Variants in MIA2 observed in about 807,000 individuals in gnomAD.
MIA2 encodes melanoma inhibitory activity protein 2.
In MIA2, 127 loss-of-function variants were observed where a neutral mutation model predicts 167.8. The ratio of observed to expected loss-of-function variants is 0.76; its 90% CI spans 0.66 to 0.88. The LOEUF is 0.88. Ranked by LOEUF, MIA2 falls within the 40% of genes least tolerant of loss-of-function variation. MIA2 has a pLI of 0.00. For synonymous variants in MIA2, 552 were observed against 541.9 expected, an observed-to-expected ratio of 1.02 and a Z score of -0.26; for missense variants, 1,690 against 1,624.7, an observed-to-expected ratio of 1.04 and a Z score of -0.69.
At chr14:39,261,053 A>G (rs1464710756) in intron 6 of MIA2, among the ~76,000 whole-genome samples, 1 of 151,666 alleles carries the variant, frequency 6.6e-6, no homozygotes, top group Non-Finnish European at 1.5e-5. Context: ...GGTTTGTTGC[A>G]TATGTATACA....
intron 13 of MIA2, among the ~76,000 whole-genome samples, chr14:39,298,443 A>ATATATATATATAT (rs1372100362): frequency 0.013 from 634 of 49,946 alleles, 69 homozygotes; most frequent in Middle Eastern, 0.019. Context: ...ATATATATAT[A>ATATATATATATAT]AAGATTAGTT....
At chr14:39,251,996 A>G (rs1041807334) in intron 4 of MIA2, among the ~76,000 whole-genome samples, 1 of 152,208 alleles carries the variant, frequency 6.6e-6, no homozygotes, top group African/African-American at 2.4e-5. Flanking sequence ...ATATATGTAC[A>G]TATATAGTAC....
Position 39,319,211 on chromosome 14 carries a change from T to A in MIA2, c.3287T>A (p.Leu1096Ter). The A allele has an allele frequency of 6.5e-7, 1 of 1,543,536 alleles. No homozygotes were observed. Among genetic ancestry groups the A allele is most frequent in the Non-Finnish European group, 8.8e-7 (1 of 1,138,046 alleles). Residue 1096 changes from leucine to a stop codon, truncating the protein, a stop_gained and splice_region_variant, in exon 23 of 29, where the codon TTA becomes TAA. Transcript: ENST00000640607. LOFTEE classifies it high-confidence loss of function. ...AGATGTTTGTTCTTTATTTGCAGAT[T>A]AACTGAAACAGAGCTTAAATTTGAA... ...RKENAHNRQK[L>*]TETELKFELL...
chr14:39,279,408 A>G (rs375402435), intron 8 of MIA2, 41 bp from the exon 9 acceptor site: 3 of 1,599,280 alleles, frequency 1.9e-6, no homozygotes, highest in East Asian at 2.2e-5. Flanking sequence ...GTAAAAACTT[A>G]TAATAATTTA....
intron 6 of MIA2, among the ~76,000 whole-genome samples, chr14:39,272,650 G>C (rs149158534): frequency 9.9e-4 from 151 of 152,232 alleles, no homozygotes; most frequent in African/African-American, 3.4e-3. Flanking sequence ...CTGTAGTCCT[G>C]CTGCTTGAGG....
Position 39,263,717 on chromosome 14 carries a change from G to A in MIA2, c.1887+10546G>A, listed in dbSNP as rs564503130. On this transcript the variant is annotated intron_variant, in intron 6 of 28. Transcript: ENST00000640607. ...TGTGATCTCAGCTCACTGCAATCTCGGCCTCCTGGGTTCAAATGATTTTCC... is the reference window on the plus strand; with the variant it reads ...TGTGATCTCAGCTCACTGCAATCTCAGCCTCCTGGGTTCAAATGATTTTCC... 7.2e-4 allele frequency among the ~76,000 whole-genome samples: 106 copies of A among 147,666 alleles called. 1 individual carries two copies. Among genetic ancestry groups the A allele is most frequent in the African/African-American group, 1.7e-3 (67 of 39,656 alleles).
At chr14:39,322,229 C>T (rs1448434347) in intron 24 of MIA2, among the ~76,000 whole-genome samples, 1 of 152,018 alleles carries the variant, frequency 6.6e-6, no homozygotes, top group Non-Finnish European at 1.5e-5. Flanking sequence ...GGAACCTTTA[C>T]TGTGGTCTGC....
At chr14:39,269,833 T>G (rs1454317143) in intron 6 of MIA2, among the ~76,000 whole-genome samples, 2 of 152,230 alleles carry the variant, frequency 1.3e-5, no homozygotes, top group Non-Finnish European at 2.9e-5. Flanking sequence ...TCATTTCTTT[T>G]TATGGTGAAA....
chr14:39,294,501 A>AT (rs57357871), intron 12 of MIA2, among the ~76,000 whole-genome samples: 21,021 of 144,162 alleles, frequency 0.15, 2,164 homozygotes, highest in East Asian at 0.5. Context: ...CCCAGCTTGT[A>AT]TTTTTTTTTT....
Position 39,299,978 on chromosome 14 carries a change from C to T in MIA2, c.2611C>T (p.His871Tyr). ...ACAAGTTCTAAATGATAAAGAAAGT[C>T]ACATCAAGGTAAATGGCTCTACTGG... ...AEQVLNDKES[H>Y]IKTLTERLLK... The change falls in exon 14 of 29, where the codon CAC becomes TAC. Residue 871 changes from histidine to tyrosine, a missense_variant. Transcript: ENST00000640607. The T allele has an allele frequency of 3.1e-6, 5 of 1,594,198 alleles. No homozygotes were observed. Among genetic ancestry groups the T allele is most frequent in the South Asian group, 1.1e-5 (1 of 87,150 alleles).
chr14:39,332,436 C>T lies in MIA2; in HGVS notation c.3655+5414C>T, dbSNP rs576640209. 5.8e-4 allele frequency among the ~76,000 whole-genome samples: 88 copies of T among 152,304 alleles called. 1 individual carries two copies. The South Asian group carries it at 6.4e-3, about 11-fold the overall frequency. On this transcript the variant is annotated intron_variant, in intron 25 of 28. Coordinates refer to ENST00000640607, the MANE Select transcript of MIA2 (RefSeq NM_001329214.4). The stretch of plus-strand genomic sequence containing the variant: ...TTTATTACTCACCTTCTGAAGCCTA[C>T]TTCTGTCCATTTGTCGAACTCATTG...
chr14:39,234,301 C>A, intron 1 of MIA2, 72 bp downstream of exon 1: 2 of 920,432 alleles, frequency 2.2e-6, no homozygotes, highest in Non-Finnish European at 1.7e-6. Flanking sequence ...TTATTGTGGT[C>A]ACGCATGATA....
Position 39,350,196 on chromosome 14 carries a change from C to A in MIA2, c.4171C>A (p.Pro1391Thr). The change falls in exon 29 of 29, where the codon CCC becomes ACC. Residue 1391 changes from proline (P) to threonine (T), a missense_variant. Coordinates refer to ENST00000640607, the MANE Select transcript of MIA2 (RefSeq NM_001329214.4). ...PPHSEGRSEF[P>T]SGLIPPSNEP... ...ACATTCTGAAGGTAGAAGTGAGTTC[C>A]CCTCAGGTTTGATTCCACCTTCAAA... 1 of 1,494,002 alleles carries A rather than the reference C, an allele frequency of 6.7e-7. No individual in the cohort carries two copies. The highest frequency in any genetic ancestry group is 9.1e-7 in the Non-Finnish European group (1 of 1,103,270). The allele number at this position is 1,494,002 out of a possible 1,614,324, so 92.5% of individuals were successfully genotyped here. A position where few individuals can be genotyped will look rare whatever the true frequency, so the allele number is the denominator to read the frequency against.
intron 13 of MIA2, among the ~76,000 whole-genome samples, chr14:39,296,604 TC>T (rs1176031997): frequency 0.019 from 813 of 43,110 alleles, 6 homozygotes; most frequent in Non-Finnish European, 0.042. Flanking sequence ...TCTTTTCTTT[TC>T]TTTTTTTTTT....
At chr14:39,332,837 G>C (rs1367778055) in intron 25 of MIA2, among the ~76,000 whole-genome samples, 1 of 152,112 alleles carries the variant, frequency 6.6e-6, no homozygotes, top group East Asian at 1.9e-4. Flanking sequence ...GCCTCACTGG[G>C]AGCTGAAGAC....
intron 25 of MIA2, among the ~76,000 whole-genome samples, chr14:39,330,138 A>G (rs1226797080): frequency 2.0e-5 from 3 of 152,248 alleles, no homozygotes; most frequent in South Asian, 2.1e-4. Flanking sequence ...TACTACGTCA[A>G]TTTCAGAACT....
intron 23 of MIA2, among the ~76,000 whole-genome samples, chr14:39,362,013 A>G (rs1377121194): frequency 1.3e-5 from 2 of 152,176 alleles, no homozygotes; most frequent in Admixed American, 6.5e-5. Context: ...ATGTTGAACC[A>G]TCCTTTTATC....
chr14:39,290,677 T>A (rs2060616040), intron 9 of MIA2, among the ~76,000 whole-genome samples: 1 of 152,210 alleles, frequency 6.6e-6, no homozygotes. Context: ...TTTGAGTAAA[T>A]CTTTGGATAA....
chr14:39,288,432 C>CATAT (rs759995143), intron 9 of MIA2, among the ~76,000 whole-genome samples: 60 of 52,868 alleles, frequency 1.1e-3, no homozygotes, highest in South Asian at 1.8e-3. Context: ...ATATATTATA[C>CATAT]ATATATATAT....
Sources: gnomAD v4.1 joint callset for allele counts (sites outside exome capture counted in the v4.1 genomes callset) on GRCh38, gnomAD v4.1.1 for gene constraint, MANE v1.5 for transcripts, NCBI Gene and HGNC (gene_info 2026-07-23, HGNC 2026-07-21) for gene names.